The following TMIE variants were observed in gnomAD, a reference collection of about 807,000 sequenced individuals.
TMIE encodes transmembrane inner ear expressed protein.
In TMIE, 14 loss-of-function variants were observed where a neutral mutation model predicts 16.8. That is an observed-to-expected ratio of 0.83 (90% CI 0.55 to 1.30). The LOEUF (loss-of-function observed/expected upper bound fraction) is 1.30, where lower values mean the gene tolerates loss of function less well. Ranked by LOEUF, TMIE falls within the 50% of genes most tolerant of loss-of-function variation. The probability of loss-of-function intolerance (pLI) is 0.00; values close to 1 mark genes in which losing one functional copy is unlikely to be tolerated. For missense variants in TMIE, 204 were observed against 205.9 expected (o/e 0.99, Z 0.06); for synonymous variants, 75 against 87.2 (o/e 0.86, Z 0.78).
chr3:46,702,474 T>C (rs2106776888), intron 1 of TMIE, among the ~76,000 whole-genome samples: 1 of 152,168 alleles, frequency 6.6e-6, no homozygotes, highest in Non-Finnish European at 1.5e-5. Flanking sequence ...ACGAGGGAGC[T>C]GGCAGACCAG....
Position 46,701,448 on chromosome 3 carries a change from G to C in TMIE, c.-40G>C. 1 of 1,419,540 alleles carries C rather than the reference G, an allele frequency of 7.0e-7. No homozygotes were observed. The highest frequency in any genetic ancestry group is 9.2e-7 in the Non-Finnish European group (1 of 1,085,014). 87.9% of individuals were successfully genotyped at this position (1,419,540 alleles called of 1,614,324 possible). On this transcript the variant is annotated 5_prime_UTR_variant, in exon 1 of 4. Coordinates refer to ENST00000643606, the MANE Select transcript of TMIE (RefSeq NM_147196.3). The surrounding 1 kb of genome is among the most constrained non-coding windows in gnomAD (Gnocchi z 4.3). The stretch of plus-strand genomic sequence containing the variant: ...AGGGGCAGTGACCGGCGGCCGGCCC[G>C]TTCGTCCCTGGGCTCCGCAAGCGGC...
intron 3 of TMIE, 98 bp downstream of exon 3, chr3:46,709,373 A>G: frequency 1.2e-6 from 2 of 1,604,224 alleles, no homozygotes; most frequent in East Asian, 2.2e-5. Flanking sequence ...AAGCAGGTTC[A>G]GGGAGGGGCC....
rs1194789209 is a variant in TMIE at position 46,701,507 on chromosome 3, C to T, written c.20C>T (p.Ala7Val). 6 of 1,339,974 alleles carry T rather than the reference C, an allele frequency of 4.5e-6. No homozygotes were observed. The highest frequency in any genetic ancestry group is 5.7e-6 in the Non-Finnish European group (6 of 1,049,736). 83.0% of individuals were successfully genotyped at this position (1,339,974 alleles called of 1,614,324 possible). A position where few individuals can be genotyped will look rare whatever the true frequency, so the allele number is the denominator to read the frequency against. ...ACGAAGATGGCGGGGTGGCCGGGCG[C>T]GGGTCCCCTCTGCGTGCTGGGCGGC... MAGWPG[A>V]GPLCVLGGAA... The change falls in exon 1 of 4, where the codon GCG (alanine) becomes GTG (valine). Residue 7 changes from alanine to valine, a missense_variant. By Grantham distance (64) the Ala-to-Val change is moderately conservative. Coordinates refer to ENST00000643606, the MANE Select transcript of TMIE (RefSeq NM_147196.3). This position sits in a 1 kb window ranked among gnomAD's most constrained non-coding sequence, Gnocchi z 4.3.
At chr3:46,706,477 T>G (rs1163774748) in intron 2 of TMIE, among the ~76,000 whole-genome samples, 1 of 152,038 alleles carries the variant, frequency 6.6e-6, no homozygotes, top group Non-Finnish European at 1.5e-5. Context: ...CCCTTAGCCC[T>G]CCCCTCAGAA....
rs10578999 is a variant in TMIE, at chr3:46,709,583, T to TAAGAAG, written c.388_393dup (p.Lys130_Lys131dup). On this transcript the variant is annotated inframe_insertion, in exon 4 of 4. Transcript: ENST00000643606. Reference sequence around the variant, plus strand: ...TCTCTTCCCCCTGCCCCACAGAGGATAAGAAGAAGAAGAAGAAGAAGAAGA... The same window carrying TAAGAAG: ...TCTCTTCCCCCTGCCCCACAGAGGATAAGAAGAAGAAGAAGAAGAAGAAGAAGAAGA... The TAAGAAG allele has an allele frequency of 1.9e-4, 292 of 1,552,646 alleles. No individual in the cohort carries two copies. The African/African-American group carries it at 3.0e-3, about 16-fold the overall frequency.
At chr3:46,704,072 T>C (rs1700510510) in intron 1 of TMIE, among the ~76,000 whole-genome samples, 1 of 152,166 alleles carries the variant, frequency 6.6e-6, no homozygotes, top group South Asian at 2.1e-4. Context: ...TGTGGGTCCA[T>C]GTCCCTTCAG....
In TMIE at chr3:46,701,417, G is replaced by A; in HGVS notation, c.-71G>A. Reference sequence around the variant, plus strand: ...CAAAGCCCGTGGCCACCGAGCGCCGGCTGGCAGGGGCAGTGACCGGCGGCC... The same window carrying A: ...CAAAGCCCGTGGCCACCGAGCGCCGACTGGCAGGGGCAGTGACCGGCGGCC... On this transcript the variant is annotated 5_prime_UTR_variant, in exon 1 of 4. Transcript: ENST00000643606. This position sits in a 1 kb window ranked among gnomAD's most constrained non-coding sequence, Gnocchi z 4.3. The A allele has an allele frequency of 7.7e-7, 1 of 1,300,066 alleles. No homozygotes were observed. Among genetic ancestry groups the A allele is most frequent in the Non-Finnish European group, 1.0e-6 (1 of 977,666 alleles). 80.5% of individuals were successfully genotyped at this position (1,300,066 alleles called of 1,614,324 possible).
Position 46,701,438 on chromosome 3 carries a change from C to A in TMIE, c.-50C>A. The stretch of plus-strand genomic sequence containing the variant: ...GCCGGCTGGCAGGGGCAGTGACCGG[C>A]GGCCGGCCCGTTCGTCCCTGGGCTC... On this transcript the variant is annotated 5_prime_UTR_variant, in exon 1 of 4. Coordinates refer to ENST00000643606, the MANE Select transcript of TMIE (RefSeq NM_147196.3). This position sits in a 1 kb window ranked among gnomAD's most constrained non-coding sequence, Gnocchi z 4.3. The A allele has an allele frequency of 1.4e-6, 2 of 1,395,550 alleles. No homozygotes were observed. The highest frequency in any genetic ancestry group is 1.4e-5 in the South Asian group (1 of 71,290). The allele number at this position is 1,395,550 out of a possible 1,614,324, so 86.4% of individuals were successfully genotyped here.
rs1700602267 is a variant in TMIE, at chr3:46,710,063, C to G, written c.*375C>G. On this transcript the variant is annotated 3_prime_UTR_variant, in exon 4 of 4. Transcript: ENST00000643606. ...TGGGATATGGGGTTACTTCAGCCACCCTTTCTGGCACGAAATGGCTGAAGT... is the reference window on the plus strand; with the variant it reads ...TGGGATATGGGGTTACTTCAGCCACGCTTTCTGGCACGAAATGGCTGAAGT... 2.9e-6 allele frequency: 1 copy of G among 349,592 alleles called. No homozygotes were observed. Among genetic ancestry groups the G allele is most frequent in the Non-Finnish European group, 5.6e-6 (1 of 178,940 alleles). 21.7% of individuals were successfully genotyped at this position (349,592 alleles called of 1,614,324 possible).
rs141116545 is a variant in TMIE at position 46,694,816 on chromosome 3, A to G, written c.-67+198A>G. The stretch of plus-strand genomic sequence containing the variant: ...CTCTCCTCCTGGGTCCCAATCCTGC[A>G]GAGCCGCCCCTTCCTGCTTCTCCAT... On this transcript the variant is annotated intron_variant, in intron 1 of 3. Transcript: ENST00000644830. Among the ~76,000 whole-genome samples, 691 of 152,186 alleles carry G rather than the reference A, an allele frequency of 4.5e-3. 8 individuals carry two copies. Among genetic ancestry groups the G allele is most frequent in the Admixed American group, 0.033 (510 of 15,300 alleles).
upstream of TMIE, among the ~76,000 whole-genome samples, chr3:46,700,570 G>A (rs1355339785): frequency 6.6e-6 from 1 of 152,162 alleles, no homozygotes; most frequent in Non-Finnish European, 1.5e-5. Flanking sequence ...GGGAAGGGGA[G>A]TCTACCAACT....
At chr3:46,697,483 A>T (rs529435630), upstream of TMIE, among the ~76,000 whole-genome samples, 1 of 152,134 alleles carries the variant, frequency 6.6e-6, no homozygotes, top group Non-Finnish European at 1.5e-5. Context: ...CCAGGAGGGC[A>T]TGGAAGCTCC....
chr3:46,704,030 G>T (rs958441634), intron 1 of TMIE, among the ~76,000 whole-genome samples: 19 of 152,236 alleles, frequency 1.2e-4, no homozygotes, highest in African/African-American at 4.3e-4. Flanking sequence ...ATCCATCTCT[G>T]GTCAGGGACA....
upstream of TMIE, among the ~76,000 whole-genome samples, chr3:46,697,020 A>G (rs945859726): frequency 1.3e-5 from 2 of 152,162 alleles, no homozygotes; most frequent in African/African-American, 4.8e-5. Flanking sequence ...GCTGAGGTGG[A>G]GGCCATAGTT....
rs767118682 is a variant in TMIE at position 46,709,201 on chromosome 3, G to A, written c.287G>A (p.Arg96Gln). 36 of 1,614,046 alleles carry A rather than the reference G, an allele frequency of 2.2e-5. No homozygotes were observed. The highest frequency in any genetic ancestry group is 6.7e-5 in the East Asian group (3 of 44,888). The change falls in exon 3 of 4, where the codon CGA (arginine) becomes CAA (glutamine). Residue 96 changes from arginine (R) to glutamine (Q), a missense_variant. Transcript: ENST00000643606. Reference sequence around the variant, plus strand: ...GAGATCGAAGCCCGGTACCTGCAGCGAAAGGCAGCCAAGATGTACACAGAC... The same window carrying A: ...GAGATCGAAGCCCGGTACCTGCAGCAAAAGGCAGCCAAGATGTACACAGAC... ...RKEIEARYLQ[R>Q]KAAKMYTDKL...
upstream of TMIE, among the ~76,000 whole-genome samples, chr3:46,697,861 C>T (rs1389762571): frequency 6.6e-6 from 1 of 152,050 alleles, no homozygotes; most frequent in African/African-American, 2.4e-5. Context: ...CAGAAGACTT[C>T]TGTGTGGATG....
At position 46,701,980 on chromosome 3, in the gene TMIE, A is replaced by T. The variant is rs1478015899; in HGVS notation, c.93+400A>T. On this transcript the variant is annotated intron_variant, in intron 1 of 3. Coordinates refer to ENST00000643606, the MANE Select transcript of TMIE (RefSeq NM_147196.3). This position sits in a 1 kb window ranked among gnomAD's most constrained non-coding sequence, Gnocchi z 4.3. Reference sequence around the variant, plus strand: ...CTGGGTTTCCTGGACCTCTAGTCTGATGGAACAGACCCTGAATTTAGGGTC... The same window carrying T: ...CTGGGTTTCCTGGACCTCTAGTCTGTTGGAACAGACCCTGAATTTAGGGTC... Among the ~76,000 whole-genome samples the T allele has an allele frequency of 1.3e-5, 2 of 151,994 alleles. No homozygotes were observed. Among genetic ancestry groups the T allele is most frequent in the Non-Finnish European group, 2.9e-5 (2 of 68,010 alleles).
At chr3:46,698,775 C>T (rs1700436042), upstream of TMIE, among the ~76,000 whole-genome samples, 1 of 152,144 alleles carries the variant, frequency 6.6e-6, no homozygotes, top group Non-Finnish European at 1.5e-5. Context: ...TTTAAATTCT[C>T]TTATGCTACT....
chr3:46,694,334 G>A (rs1239739935), upstream of TMIE, among the ~76,000 whole-genome samples: 2 of 152,214 alleles, frequency 1.3e-5, no homozygotes, highest in South Asian at 2.1e-4. Flanking sequence ...CCTTGGAAAG[G>A]GTGGCTGAAG....
Sources: gnomAD v4.1 joint callset for allele counts (sites outside exome capture counted in the v4.1 genomes callset) on GRCh38, gnomAD v4.1.1 for gene constraint, Gnocchi (gnomAD v3.1) non-coding constraint, MANE v1.5 for transcripts, NCBI Gene and HGNC (gene_info 2026-07-23, HGNC 2026-07-21) for gene names.